Variants in XRN1 observed in about 807,000 individuals in gnomAD.
XRN1 encodes the protein strand-exchange protein 1 homolog.
XRN1 carries 67 observed loss-of-function variants against 222.3 expected under a neutral mutation model. The ratio of observed to expected loss-of-function variants is 0.30; its 90% CI spans 0.25 to 0.37. The LOEUF (loss-of-function observed/expected upper bound fraction) is 0.37. XRN1 is among the 10% of genes least tolerant of loss of function. The pLI is 1.00. For synonymous variants in XRN1, 643 were observed against 652.4 expected (o/e 0.99, Z 0.22); for missense variants, 1,707 against 2,000.2 (o/e 0.85, Z 2.80).
intron 15 of XRN1, among the ~76,000 whole-genome samples, chr3:142,405,757 C>T (rs1314714330): frequency 1.3e-5 from 2 of 151,872 alleles, no homozygotes; most frequent in African/African-American, 4.8e-5. Flanking sequence ...TGACAATGTC[C>T]TAACTAGCTA....
At chr3:142,408,309 T>C (rs976504597) in intron 15 of XRN1, among the ~76,000 whole-genome samples, 1 of 152,244 alleles carries the variant, frequency 6.6e-6, no homozygotes, top group South Asian at 2.1e-4. Flanking sequence ...TTGGCGCATC[T>C]GGCCTATACA....
chr3:142,422,717 T>C lies in XRN1; in HGVS notation c.832A>G (p.Ile278Val), dbSNP rs748158393. 1 of 1,611,976 alleles carries C rather than the reference T, an allele frequency of 6.2e-7. No homozygotes were observed. Among genetic ancestry groups the C allele is most frequent in the South Asian group, 1.1e-5 (1 of 90,916 alleles). The change falls in exon 8 of 41, where the codon ATA (isoleucine) becomes GTA (valine). Residue 278 changes from isoleucine (I) to valine (V), a missense_variant. Ile to Val is a conservative substitution (Grantham distance 29, BLOSUM62 3). Around this residue, in one of 2 missense-constraint regions of XRN1, gnomAD observed 1,234 missense variants for 1,518.2 expected, o/e 0.81. Coordinates refer to ENST00000392981, the MANE Select transcript of XRN1 (RefSeq NM_001282857.2). The part of the protein sequence containing the change: ...KITFKYDIER[I>V]IDDWILMGFL... The stretch of plus-strand genomic sequence containing the variant: ...CCCATCAAAATCCAATCATCTATTA[T>C]CCTTTCAATATCATATTTAAATGTG...
chr3:142,394,028 T>C (rs1049104951), intron 20 of XRN1, among the ~76,000 whole-genome samples: 4 of 152,148 alleles, frequency 2.6e-5, no homozygotes, highest in African/African-American at 9.7e-5. Context: ...GGTTTTGCCA[T>C]GTTGGGCAGG....
At chr3:142,381,965 G>C (rs2067320225) in intron 22 of XRN1, among the ~76,000 whole-genome samples, 1 of 152,140 alleles carries the variant, frequency 6.6e-6, no homozygotes, top group Non-Finnish European at 1.5e-5. Context: ...TTTTGGGTTT[G>C]TTTGATGCTT....
At chr3:142,315,937 G>T (rs1301970914) in intron 39 of XRN1, among the ~76,000 whole-genome samples, 4 of 151,996 alleles carry the variant, frequency 2.6e-5, no homozygotes, top group African/African-American at 9.7e-5. Flanking sequence ...TTAATTTTAG[G>T]CATTTTTAGG....
intron 32 of XRN1, 176 bp downstream of exon 32, chr3:142,355,225 A>G (rs958858402): frequency 5.2e-5 from 19 of 366,698 alleles, no homozygotes; most frequent in Middle Eastern, 7.9e-4. Context: ...TATCTCCTGA[A>G]CCTAAAACAA....
At position 142,403,701 on chromosome 3, in the gene XRN1, G is replaced by C; in HGVS notation, c.2076C>G (p.Ile692Met). ...SSRGENMMLE[I>M]LVDAESDELT... ...GTTCATCTGATTCTGCATCCACTAA[G>C]ATTTCCAACATCATGTTTTCTCCAC... Residue 692 changes from isoleucine (I) to methionine (M), a missense_variant, in exon 18 of 41, where the codon ATC (isoleucine) becomes ATG (methionine). By Grantham distance (10) the Ile-to-Met change is conservative. Coordinates refer to ENST00000392981, the MANE Select transcript of XRN1 (RefSeq NM_001282857.2). 1 of 1,613,170 alleles carries C rather than the reference G, an allele frequency of 6.2e-7. No homozygotes were observed. The highest frequency in any genetic ancestry group is 2.2e-5 in the East Asian group (1 of 44,772).
intron 25 of XRN1, among the ~76,000 whole-genome samples, chr3:142,374,881 G>C (rs1010832558): frequency 1.1e-4 from 17 of 152,290 alleles, no homozygotes; most frequent in African/African-American, 3.6e-4. Flanking sequence ...GTGGTCATTA[G>C]CATGGACTCT....
chr3:142,391,011 G>A (rs2067691863), intron 20 of XRN1, among the ~76,000 whole-genome samples: 1 of 152,156 alleles, frequency 6.6e-6, no homozygotes, highest in African/African-American at 2.4e-5. Context: ...CATCTCAAAT[G>A]GGCATGGTTG....
At chr3:142,321,669 G>A (rs1195799786) in intron 37 of XRN1, among the ~76,000 whole-genome samples, 21 of 152,220 alleles carry the variant, frequency 1.4e-4, no homozygotes, top group Non-Finnish European at 1.5e-5. Context: ...CGGTGTATAA[G>A]CACATCATTT....
chr3:142,345,037 A>G (rs960446967), intron 33 of XRN1, among the ~76,000 whole-genome samples: 39 of 152,214 alleles, frequency 2.6e-4, no homozygotes, highest in African/African-American at 9.2e-4. Context: ...ATTTCACATA[A>G]GGACGGGCAT....
At chr3:142,364,945 G>T in intron 29 of XRN1, 102 bp downstream of exon 29, 1 of 1,253,356 alleles carries the variant, frequency 8.0e-7, no homozygotes, top group Non-Finnish European at 1.1e-6. Context: ...GTTTGTTCCT[G>T]ATTTATAGTC....
At chr3:142,335,036 T>C (rs1177800336) in intron 34 of XRN1, among the ~76,000 whole-genome samples, 1 of 152,000 alleles carries the variant, frequency 6.6e-6, no homozygotes, top group Non-Finnish European at 1.5e-5. Flanking sequence ...AGACGGGGTT[T>C]TACCATGTTG....
At chr3:142,400,162 T>C (rs2068074447) in intron 19 of XRN1, among the ~76,000 whole-genome samples, 1 of 152,152 alleles carries the variant, frequency 6.6e-6, no homozygotes, top group South Asian at 2.1e-4. Flanking sequence ...ATTTGCTAAG[T>C]AATATAATGA....
Position 142,336,403 on chromosome 3 carries a change from T to C in XRN1, c.3878-894A>G, listed in dbSNP as rs533298562. On this transcript the variant is annotated intron_variant, in intron 33 of 40. Transcript: ENST00000392981. ...TGTTCATTAAGCCAGTCTGAAAAAATAAAAAGGTGGGTGGAAAGAGAAGAG... is the reference window on the plus strand; with the variant it reads ...TGTTCATTAAGCCAGTCTGAAAAAACAAAAAGGTGGGTGGAAAGAGAAGAG... 1.2e-4 allele frequency among the ~76,000 whole-genome samples: 15 copies of C among 129,778 alleles called. No individual in the cohort carries two copies. The South Asian group carries it at 3.6e-3, about 32-fold the overall frequency. 85.1% of individuals were successfully genotyped at this position (129,778 alleles called of 152,430 possible). A position where few individuals can be genotyped will look rare whatever the true frequency, so the allele number is the denominator to read the frequency against.
At chr3:142,380,494 T>C (rs2067271129) in intron 22 of XRN1, among the ~76,000 whole-genome samples, 3 of 152,102 alleles carry the variant, frequency 2.0e-5, no homozygotes, top group Non-Finnish European at 4.4e-5. Context: ...ATCAGGTGCG[T>C]TCAGGGTGGT....
intron 18 of XRN1, among the ~76,000 whole-genome samples, chr3:142,401,514 ACCAG>A (rs199730793): frequency 0.011 from 1,675 of 152,224 alleles, 28 homozygotes; most frequent in African/African-American, 0.039. Context: ...GAAGTTCAAG[ACCAG>A]CCTGGCCAAG....
rs148871997 is a variant in XRN1 at position 142,403,678 on chromosome 3, T to C, written c.2099A>G (p.Glu700Gly). The C allele has an allele frequency of 3.1e-6, 5 of 1,612,206 alleles. No individual in the cohort carries two copies. The African/African-American group carries it at 6.7e-5, about 21-fold the overall frequency. ...AATGATAAATAAAATACTTACAAGT[T>C]CATCTGATTCTGCATCCACTAAGAT... ...LEILVDAESD[E>G]LTVENVASSV... The change falls in exon 18 of 41, where the codon GAA (glutamate) becomes GGA (glycine). Residue 700 changes from glutamate (E) to glycine (G), a missense_variant. Around this residue, in one of 2 missense-constraint regions of XRN1, gnomAD observed 1,234 missense variants for 1,518.2 expected, o/e 0.81. Coordinates refer to ENST00000392981, the MANE Select transcript of XRN1 (RefSeq NM_001282857.2).
intron 15 of XRN1, among the ~76,000 whole-genome samples, chr3:142,410,609 C>T (rs1017379139): frequency 7.4e-5 from 11 of 149,124 alleles, no homozygotes; most frequent in Non-Finnish European, 1.3e-4. Context: ...ATTCTCCTGC[C>T]TCAGCCTCCT....
Sources: gnomAD v4.1 joint callset for allele counts (sites outside exome capture counted in the v4.1 genomes callset) on GRCh38, gnomAD v4.1.1 for gene constraint, gnomAD v4.1.1 regional missense constraint, MANE v1.5 for transcripts, NCBI Gene and HGNC (gene_info 2026-07-23, HGNC 2026-07-21) for gene names.